Variants in RIC1 observed in about 807,000 individuals in gnomAD.
The protein encoded by RIC1 is guanine nucleotide exchange factor subunit RIC1.
In RIC1, 88 loss-of-function variants were observed where a neutral mutation model predicts 169.0. The observed-to-expected ratio is 0.52, with a 90% CI of 0.44 to 0.62. RIC1 has a LOEUF of 0.62. Among genes scored for constraint, RIC1 ranks in the 20% least tolerant of loss-of-function variants. RIC1 has a pLI of 0.00. For synonymous variants in RIC1, 790 were observed against 601.5 expected (o/e 1.31, Z -4.59); for missense variants, 1,877 against 1,725.5 (o/e 1.09, Z -1.56).
intron 2 of RIC1, among the ~76,000 whole-genome samples, chr9:5,664,727 C>G (rs924944972): frequency 1.3e-5 from 2 of 152,158 alleles, no homozygotes; most frequent in African/African-American, 4.8e-5. Context: ...GTTCCATTCT[C>G]CCCATCTCTT....
intron 1 of RIC1, among the ~76,000 whole-genome samples, chr9:5,644,376 CATA>C (rs984759393): frequency 1.4e-4 from 22 of 152,254 alleles, no homozygotes; most frequent in African/African-American, 4.8e-4. Flanking sequence ...GCATCCAGGT[CATA>C]ATATTTCTTT....
intron 3 of RIC1, among the ~76,000 whole-genome samples, chr9:5,692,676 G>A (rs891687309): frequency 6.6e-6 from 1 of 151,876 alleles, no homozygotes; most frequent in Non-Finnish European, 1.5e-5. Context: ...TGTACAATGG[G>A]AATAAAAATA....
intron 2 of RIC1, among the ~76,000 whole-genome samples, chr9:5,685,309 G>A (rs1178346075): frequency 4.6e-5 from 7 of 151,158 alleles, no homozygotes; most frequent in Non-Finnish European, 7.4e-5. Context: ...AAAAGAGCCC[G>A]CATCGCCAAG....
chr9:5,711,088 C>T (rs977627386), intron 3 of RIC1, among the ~76,000 whole-genome samples: 2 of 152,246 alleles, frequency 1.3e-5, no homozygotes, highest in South Asian at 4.1e-4. Context: ...CAATGATAAA[C>T]ATTCACATAC....
At chr9:5,748,177 ATTTCAGTCTTCCGACTGTTTTC>A (rs1825502723) in intron 12 of RIC1, among the ~76,000 whole-genome samples, 1 of 152,188 alleles carries the variant, frequency 6.6e-6, no homozygotes, top group Non-Finnish European at 1.5e-5. Flanking sequence ...TGCATACATA[ATTTCAGTCTTCCGACTGTTTTC>A]TTTCCCTTTT....
chr9:5,738,424 A>G, intron 7 of RIC1, 26 bp from the exon 8 acceptor site: 1 of 1,510,316 alleles, frequency 6.6e-7, no homozygotes, highest in South Asian at 1.2e-5. Context: ...TTTTTCACTA[A>G]AAGTTTTTCG....
intron 1 of RIC1, among the ~76,000 whole-genome samples, chr9:5,646,888 C>G (rs1416934057): frequency 6.6e-6 from 1 of 152,036 alleles, no homozygotes; most frequent in Non-Finnish European, 1.5e-5. Context: ...TTTTCAAATC[C>G]AAAGTCATGA....
rs542438613 is a variant in RIC1, at chr9:5,712,628, C to T, written c.333-1268C>T. Among the ~76,000 whole-genome samples, 10 of 152,234 alleles carry T rather than the reference C, an allele frequency of 6.6e-5. No homozygotes were observed. The South Asian group carries it at 2.1e-3, about 32-fold the overall frequency. ...GTTTTCTGTCTTAAGCTTTCTAGCC[C>T]TATTTGAATTTTAACTTCTGTATAT... On this transcript the variant is annotated intron_variant, in intron 3 of 25. Transcript: ENST00000414202.
At chr9:5,746,654 G>T (rs1256959815) in intron 11 of RIC1, among the ~76,000 whole-genome samples, 1 of 152,022 alleles carries the variant, frequency 6.6e-6, no homozygotes, top group African/African-American at 2.4e-5. Context: ...TAGAAACACC[G>T]CCCCAAACAC....
At chr9:5,721,028 A>C (rs1371336911) in intron 6 of RIC1, among the ~76,000 whole-genome samples, 1 of 151,932 alleles carries the variant, frequency 6.6e-6, no homozygotes, top group Non-Finnish European at 1.5e-5. Flanking sequence ...TTGATTTTTA[A>C]TCTCCACTAC....
intron 17 of RIC1, among the ~76,000 whole-genome samples, chr9:5,758,383 C>T (rs1442314401): frequency 6.6e-6 from 1 of 152,132 alleles, no homozygotes; most frequent in Non-Finnish European, 1.5e-5. Flanking sequence ...TACTTCCTAT[C>T]GAGGCACTTC....
At chr9:5,713,160 A>C (rs915387802) in intron 3 of RIC1, 2 of 152,214 alleles carry the variant, frequency 1.3e-5, no homozygotes, top group Non-Finnish European at 1.5e-5. Context: ...AATTGTTGCC[A>C]CAAGTGATAG....
In RIC1 at chr9:5,745,950, A is replaced by G. The variant is rs756130731; in HGVS notation, c.1115A>G (p.Tyr372Cys). 3.7e-6 allele frequency: 6 copies of G among 1,613,556 alleles called. No homozygotes were observed. Among genetic ancestry groups the G allele is most frequent in the East Asian group, 2.2e-5 (1 of 44,850 alleles). ...INSMSWGAEGYHLWVISGFGS... is the reference protein window; with the variant it reads ...INSMSWGAEGCHLWVISGFGS... Reference sequence around the variant, plus strand: ...TCTAAGAGCTGGGGTGCAGAAGGCTATCACCTATGGGTAATCAGCGGATTT... The same window carrying G: ...TCTAAGAGCTGGGGTGCAGAAGGCTGTCACCTATGGGTAATCAGCGGATTT... The change falls in exon 11 of 26, where the codon TAT (tyrosine) becomes TGT (cysteine). Residue 372 changes from tyrosine to cysteine, a missense_variant. This residue lies in a region of RIC1 where 1,104 missense variants were observed against 992.0 expected (regional missense o/e 1.11). Coordinates refer to ENST00000414202, the MANE Select transcript of RIC1 (RefSeq NM_020829.4).
chr9:5,714,265 T>G (rs1219994000), intron 4 of RIC1, among the ~76,000 whole-genome samples: 1 of 152,170 alleles, frequency 6.6e-6, no homozygotes, highest in Non-Finnish European at 1.5e-5. Flanking sequence ...AATTGTTTGA[T>G]TGAGTGATAA....
intron 2 of RIC1, among the ~76,000 whole-genome samples, chr9:5,685,309 G>T (rs1178346075): frequency 6.6e-6 from 1 of 151,042 alleles, no homozygotes; most frequent in African/African-American, 2.4e-5. Context: ...AAAAGAGCCC[G>T]CATCGCCAAG....
In RIC1 at chr9:5,715,431, A is replaced by T. The variant is rs550273137; in HGVS notation, c.440+1428A>T. On this transcript the variant is annotated intron_variant, in intron 4 of 25. Coordinates refer to ENST00000414202, the MANE Select transcript of RIC1 (RefSeq NM_020829.4). Reference sequence around the variant, plus strand: ...TAATCTATGAATTTAGGTGGTTGGAAATCTGTAAGGTTTCTCTCAAAACTC... The same window carrying T: ...TAATCTATGAATTTAGGTGGTTGGATATCTGTAAGGTTTCTCTCAAAACTC... Among the ~76,000 whole-genome samples the T allele has an allele frequency of 7.2e-5, 11 of 152,330 alleles. No individual in the cohort carries two copies. In the East Asian group the frequency reaches 2.1e-3, roughly 29 times the overall value.
chr9:5,655,056 A>G (rs938775524), intron 1 of RIC1, among the ~76,000 whole-genome samples: 3 of 152,034 alleles, frequency 2.0e-5, no homozygotes, highest in African/African-American at 7.2e-5. Flanking sequence ...TTCCTTCCCA[A>G]TCTCTTTACC....
intron 2 of RIC1, among the ~76,000 whole-genome samples, chr9:5,676,064 C>G (rs1484852665): frequency 2.0e-5 from 3 of 152,070 alleles, no homozygotes; most frequent in African/African-American, 7.2e-5. Context: ...GATAATGGCC[C>G]TTCCCCAAAA....
intron 1 of RIC1, among the ~76,000 whole-genome samples, chr9:5,639,966 T>C (rs1323309887): frequency 6.6e-6 from 1 of 152,232 alleles, no homozygotes; most frequent in Non-Finnish European, 1.5e-5. Context: ...TACCTTTGTA[T>C]GTGAAGTGTG....
Sources: gnomAD v4.1 joint callset for allele counts (sites outside exome capture counted in the v4.1 genomes callset) on GRCh38, gnomAD v4.1.1 for gene constraint, gnomAD v4.1.1 regional missense constraint, MANE v1.5 for transcripts, NCBI Gene and HGNC (gene_info 2026-07-23, HGNC 2026-07-21) for gene names.